ENTPD5: variants seen among roughly 807,000 people sequenced by gnomAD.
ENTPD5 encodes nucleoside diphosphate phosphatase ENTPD5.
ENTPD5 carries 49 observed loss-of-function variants against 60.2 expected under a neutral mutation model. That is an observed-to-expected ratio of 0.81 (90% CI 0.65 to 1.03). ENTPD5 has a LOEUF of 1.03. ENTPD5 is among the 50% of genes least tolerant of loss of function. The probability of loss-of-function intolerance (pLI) is 0.00; values close to 1 mark genes in which losing one functional copy is unlikely to be tolerated. For synonymous variants in ENTPD5, 187 were observed against 185.4 expected, an observed-to-expected ratio of 1.01 and a Z score of -0.07; for missense variants, 480 against 507.6, an observed-to-expected ratio of 0.95 and a Z score of 0.52.
downstream of ENTPD5, chr14:73,961,281 A>G (rs768822735): frequency 1.3e-5 from 21 of 1,614,050 alleles, no homozygotes; most frequent in Admixed American, 1.7e-5. Context: ...GCTGCCCCCA[A>G]GCGTAGCCAG....
downstream of ENTPD5, chr14:73,961,751 C>T (rs757329232): frequency 1.2e-6 from 2 of 1,614,144 alleles, no homozygotes; most frequent in Admixed American, 1.7e-5. Flanking sequence ...CGTGAGCCAC[C>T]TCACAGGTTA....
At chr14:73,997,745 C>G (rs112628042) in intron 3 of ENTPD5, among the ~76,000 whole-genome samples, 7 of 152,248 alleles carry the variant, frequency 4.6e-5, no homozygotes, top group African/African-American at 1.7e-4. Flanking sequence ...ACCTTGCTAT[C>G]TGAAGGATGT....
chr14:73,979,823 C>G (rs1321947323), intron 6 of ENTPD5, among the ~76,000 whole-genome samples: 1 of 152,098 alleles, frequency 6.6e-6, no homozygotes, highest in East Asian at 1.9e-4. Flanking sequence ...AATCAGGATT[C>G]AGGTTCTCAC....
Position 73,977,393 on chromosome 14 carries a change from A to AC in ENTPD5, c.442-20_442-19insG. 1 of 1,531,754 alleles carries AC rather than the reference A, an allele frequency of 6.5e-7. No homozygotes were observed. 94.9% of individuals were successfully genotyped at this position (1,531,754 alleles called of 1,614,324 possible). ...CCTTTACCTAGAGAAAAAGGAAAAA[A>AC]AAAAAAAAAGAATTCCCTAAGGCAA... On this transcript the variant is annotated intron_variant, in intron 6 of 15. Transcript: ENST00000334696.
chr14:74,011,023 C>A, intron 3 of ENTPD5, 68 bp downstream of exon 3: 1 of 266,606 alleles, frequency 3.8e-6, no homozygotes, highest in Non-Finnish European at 5.8e-6. Context: ...CAGCTAGGAA[C>A]AACAAAGCAG....
At chr14:73,981,162 C>T (rs1347298363) in intron 6 of ENTPD5, among the ~76,000 whole-genome samples, 27 of 151,534 alleles carry the variant, frequency 1.8e-4, no homozygotes, top group Admixed American at 1.8e-3. Context: ...TTTAACAAAA[C>T]TCTCTATACT....
chr14:73,973,781 T>G, intron 12 of ENTPD5, 96 bp downstream of exon 12: 1 of 1,017,856 alleles, frequency 9.8e-7, no homozygotes, highest in Non-Finnish European at 1.5e-6. Flanking sequence ...TGCAACAAGA[T>G]AAGCTTCTCT....
rs955805112 is a variant in ENTPD5 at position 73,988,261 on chromosome 14, G to A, written c.-70-89C>T. ...AAACACTCACTCCTGGGCCCAAGGT[G>A]TTCCTTCCCTATTCTAATAACCTGT... On this transcript the variant is annotated intron_variant, in intron 3 of 15. Transcript: ENST00000334696. 5.6e-6 allele frequency: 7 copies of A among 1,252,572 alleles called. No homozygotes were observed. In the East Asian group the frequency reaches 1.5e-4, roughly 28 times the overall value. The allele number at this position is 1,252,572 out of a possible 1,614,324, so 77.6% of individuals were successfully genotyped here.
intron 10 of ENTPD5, among the ~76,000 whole-genome samples, 175 bp downstream of exon 10, chr14:73,975,761 G>A (rs1244699970): frequency 6.6e-6 from 1 of 152,146 alleles, no homozygotes; most frequent in East Asian, 1.9e-4. Context: ...GAATGGAGAA[G>A]CCTCTTAGGC....
At chr14:74,008,255 A>G (rs1388282271) in intron 3 of ENTPD5, among the ~76,000 whole-genome samples, 1 of 152,212 alleles carries the variant, frequency 6.6e-6, no homozygotes, top group Non-Finnish European at 1.5e-5. Flanking sequence ...AGTTCCAACA[A>G]TATGAGCTGT....
intron 5 of ENTPD5, among the ~76,000 whole-genome samples, chr14:73,985,946 C>A (rs1455325161): frequency 1.3e-5 from 2 of 151,698 alleles, no homozygotes; most frequent in African/African-American, 4.8e-5. Flanking sequence ...GTGGCACATG[C>A]CTGTAGTCCC....
chr14:73,997,314 A>T (rs2058368955), intron 3 of ENTPD5, among the ~76,000 whole-genome samples: 1 of 152,118 alleles, frequency 6.6e-6, no homozygotes, highest in African/African-American at 2.4e-5. Flanking sequence ...ATTGATTGTT[A>T]GTTATGTCTT....
At chr14:73,961,105 T>C (rs1386351530), downstream of ENTPD5, 3 of 1,534,696 alleles carry the variant, frequency 2.0e-6, no homozygotes, top group Middle Eastern at 3.5e-4. Context: ...ACAAGGTTTC[T>C]TTATTGAATT....
downstream of ENTPD5, chr14:73,960,071 T>C (rs1425004029): frequency 5.0e-6 from 5 of 1,002,420 alleles, no homozygotes; most frequent in African/African-American, 7.0e-5. Context: ...GTGGTTAGCA[T>C]TGGCCTTTTT....
At chr14:74,002,699 T>A (rs1000859578) in intron 3 of ENTPD5, among the ~76,000 whole-genome samples, 2 of 152,224 alleles carry the variant, frequency 1.3e-5, no homozygotes, top group Non-Finnish European at 2.9e-5. Flanking sequence ...GCTAATATTG[T>A]CCTAACAGAT....
chr14:73,959,203 T>C (rs1017183104), downstream of ENTPD5: 2 of 1,614,128 alleles, frequency 1.2e-6, no homozygotes, highest in African/African-American at 2.7e-5. Context: ...TTCTTCCCTC[T>C]GGGCCTATTG....
intron 3 of ENTPD5, among the ~76,000 whole-genome samples, chr14:74,005,814 T>G (rs907789158): frequency 1.3e-5 from 2 of 151,738 alleles, no homozygotes; most frequent in African/African-American, 4.8e-5. Flanking sequence ...TTCAAAAAAA[T>G]AAATAAAAAA....
At chr14:73,977,271 C>G in intron 7 of ENTPD5, 28 bp downstream of exon 7, 1 of 1,570,750 alleles carries the variant, frequency 6.4e-7, no homozygotes, top group Non-Finnish European at 8.7e-7. Flanking sequence ...CCCTCTCCCC[C>G]TGGAACGCAT....
intron 3 of ENTPD5, chr14:74,007,549 G>C (rs1435276831): frequency 6.6e-6 from 1 of 151,598 alleles, no homozygotes; most frequent in African/African-American, 2.4e-5. Flanking sequence ...GTACTGAAGA[G>C]GTATTTGGTG....
Sources: allele counts gnomAD v4.1 joint callset (sites outside exome capture counted in the v4.1 genomes callset), GRCh38; gene constraint gnomAD v4.1.1; transcripts MANE v1.5; gene names NCBI Gene and HGNC (gene_info 2026-07-23, HGNC 2026-07-21).